LSAMP: variants seen among roughly 807,000 people sequenced by gnomAD.
LSAMP encodes the protein limbic system-associated membrane protein.
A neutral mutation model predicts 38.6 loss-of-function variants in LSAMP; 7 were observed. That is an observed-to-expected ratio of 0.18 (90% CI 0.10 to 0.34). The LOEUF (loss-of-function observed/expected upper bound fraction) is 0.34, where lower values mean the gene tolerates loss of function less well. LSAMP is among the 10% of genes least tolerant of loss of function. LSAMP has a pLI of 1.00. For synonymous variants in LSAMP, 154 were observed against 166.8 expected, an observed-to-expected ratio of 0.92 and a Z score of 0.59; for missense variants, 313 against 420.0, an observed-to-expected ratio of 0.75 and a Z score of 2.23.
chr3:115,988,100 T>C (rs1939565101), intron 3 of LSAMP, among the ~76,000 whole-genome samples: 1 of 152,186 alleles, frequency 6.6e-6, no homozygotes, highest in Non-Finnish European at 1.5e-5. Context: ...TCATCTCATC[T>C]AAAAGCTTTC....
Position 116,445,444 on chromosome 3 carries a change from C to A in LSAMP, c.-413G>T, listed in dbSNP as rs909212909. On this transcript the variant is annotated 5_prime_UTR_variant, in exon 1 of 7. Coordinates refer to ENST00000490035, the MANE Select transcript of LSAMP (RefSeq NM_002338.5). ...CTGGCGGGCGGGCGGGCGAGGGAGCCGGCACCAAGCCTGCCAGTGAGTGTA... is the reference window on the plus strand; with the variant it reads ...CTGGCGGGCGGGCGGGCGAGGGAGCAGGCACCAAGCCTGCCAGTGAGTGTA... 4 of 445,582 alleles carry A rather than the reference C, an allele frequency of 9.0e-6. No homozygotes were observed. The highest frequency in any genetic ancestry group is 3.8e-5 in the Admixed American group (1 of 26,148). 27.6% of individuals were successfully genotyped at this position (445,582 alleles called of 1,614,324 possible). A position where few individuals can be genotyped will look rare whatever the true frequency, so the allele number is the denominator to read the frequency against.
chr3:116,111,073 GGC>G (rs1227488339), intron 1 of LSAMP, among the ~76,000 whole-genome samples: 1 of 152,162 alleles, frequency 6.6e-6, no homozygotes, highest in Non-Finnish European at 1.5e-5. Context: ...GTTAAGGTGG[GGC>G]AGGAACAAAT....
chr3:116,178,041 G>A (rs1192178791), intron 1 of LSAMP, among the ~76,000 whole-genome samples: 1 of 152,224 alleles, frequency 6.6e-6, no homozygotes, highest in South Asian at 2.1e-4. Context: ...TGAAAGCAGG[G>A]TTAGTAGGTA....
chr3:116,029,883 C>T (rs1940880334), intron 2 of LSAMP, among the ~76,000 whole-genome samples: 1 of 151,994 alleles, frequency 6.6e-6, no homozygotes, highest in Admixed American at 6.6e-5. Flanking sequence ...TCTCAAGTGG[C>T]CTTATGAGCC....
In LSAMP at chr3:116,100,083, GGGGGGGT is replaced by G. The variant is rs1213371884; in HGVS notation, c.156-13534_156-13528del. ...TAGTATCCACAGAATTATTATTTTT[GGGGGGGT>G]GGGGGGTGGGGTACAGAGTCTCACT... On this transcript the variant is annotated intron_variant, in intron 1 of 6. Coordinates refer to ENST00000490035, the MANE Select transcript of LSAMP (RefSeq NM_002338.5). 6.1e-5 allele frequency among the ~76,000 whole-genome samples: 7 copies of G among 114,340 alleles called. No individual in the cohort carries two copies. The East Asian group carries it at 1.2e-3, about 20-fold the overall frequency. 75.0% of individuals were successfully genotyped at this position (114,340 alleles called of 152,430 possible). A position where few individuals can be genotyped will look rare whatever the true frequency, so the allele number is the denominator to read the frequency against.
At chr3:115,816,412 AG>A (rs766383410) in intron 6 of LSAMP, among the ~76,000 whole-genome samples, 14 of 152,216 alleles carry the variant, frequency 9.2e-5, no homozygotes, top group Non-Finnish European at 1.9e-4. Context: ...ATTACTGTCA[AG>A]AGCAATATAA....
At chr3:116,188,642 T>C (rs1010318035) in intron 1 of LSAMP, among the ~76,000 whole-genome samples, 1 of 152,228 alleles carries the variant, frequency 6.6e-6, no homozygotes. Flanking sequence ...CCTAATGATA[T>C]ATTATGAATC....
At chr3:115,963,176 T>G (rs968228099) in intron 3 of LSAMP, among the ~76,000 whole-genome samples, 6 of 152,174 alleles carry the variant, frequency 3.9e-5, no homozygotes, top group African/African-American at 1.4e-4. Flanking sequence ...GGTCCAGAAA[T>G]CATATATAAG....
intron 1 of LSAMP, among the ~76,000 whole-genome samples, chr3:116,111,545 T>C (rs1325445003): frequency 1.3e-5 from 2 of 152,206 alleles, no homozygotes; most frequent in Non-Finnish European, 2.9e-5. Flanking sequence ...CTTAGACTTA[T>C]CCTCTGCAAA....
intron 3 of LSAMP, among the ~76,000 whole-genome samples, chr3:115,902,893 A>G (rs1369520796): frequency 6.6e-6 from 1 of 152,150 alleles, no homozygotes; most frequent in Non-Finnish European, 1.5e-5. Flanking sequence ...AACTGTTGGT[A>G]GGAGTGTAAA....
At chr3:116,048,154 G>A (rs961382028) in intron 2 of LSAMP, among the ~76,000 whole-genome samples, 1 of 152,162 alleles carries the variant, frequency 6.6e-6, no homozygotes, top group African/African-American at 2.4e-5. Flanking sequence ...CAACTATCTG[G>A]GTAGCAAATG....
At chr3:115,898,731 A>C (rs1173164208) in intron 3 of LSAMP, among the ~76,000 whole-genome samples, 2 of 152,044 alleles carry the variant, frequency 1.3e-5, no homozygotes, top group Non-Finnish European at 2.9e-5. Context: ...AATCAGGCAG[A>C]CTTCACTTAG....
At chr3:115,942,024 A>T (rs1937938821) in intron 3 of LSAMP, among the ~76,000 whole-genome samples, 1 of 152,092 alleles carries the variant, frequency 6.6e-6, no homozygotes, top group African/African-American at 2.4e-5. Context: ...TGTTTTAATT[A>T]TATTTTTTCT....
intron 1 of LSAMP, among the ~76,000 whole-genome samples, chr3:116,097,124 C>T (rs1708241555): frequency 6.6e-6 from 1 of 152,148 alleles, no homozygotes; most frequent in Non-Finnish European, 1.5e-5. Context: ...ACTTCACTCA[C>T]TATGCAATTA....
intron 1 of LSAMP, among the ~76,000 whole-genome samples, chr3:116,265,936 T>G (rs561642577): frequency 5.4e-4 from 76 of 141,076 alleles, no homozygotes; most frequent in Non-Finnish European, 1.0e-3. Context: ...TGTTTTTATC[T>G]TTAGTTTAAA....
At chr3:116,081,291 A>G (rs1707865853) in intron 2 of LSAMP, among the ~76,000 whole-genome samples, 1 of 151,968 alleles carries the variant, frequency 6.6e-6, no homozygotes, top group Non-Finnish European at 1.5e-5. Flanking sequence ...ATGAAACCTC[A>G]TCTCTACTAA....
Position 116,445,386 on chromosome 3 carries a change from G to T in LSAMP, c.-355C>A. On this transcript the variant is annotated 5_prime_UTR_variant, in exon 1 of 7. Transcript: ENST00000490035. ...ATGCTCCTCTGCCAGTGTCTGAGCT[G>T]AGCTCCTTCGCTCTGTAACCCACTT... 2.1e-6 allele frequency: 1 copy of T among 474,594 alleles called. No individual in the cohort carries two copies. Among genetic ancestry groups the T allele is most frequent in the Non-Finnish European group, 3.7e-6 (1 of 272,434 alleles). 29.4% of individuals were successfully genotyped at this position (474,594 alleles called of 1,614,324 possible).
intron 1 of LSAMP, among the ~76,000 whole-genome samples, chr3:116,213,444 G>T (rs2046185801): frequency 6.6e-6 from 1 of 152,126 alleles, no homozygotes; most frequent in Admixed American, 6.5e-5. Context: ...TGATTGTGAG[G>T]CCTCTCCAGC....
At position 116,301,780 on chromosome 3, in the gene LSAMP, A is replaced by G. The variant is rs540760033; in HGVS notation, c.155+143097T>C. Among the ~76,000 whole-genome samples, 3 of 151,684 alleles carry G rather than the reference A, an allele frequency of 2.0e-5. No homozygotes were observed. In the South Asian group the frequency reaches 6.2e-4, roughly 31 times the overall value. On this transcript the variant is annotated intron_variant, in intron 1 of 6. Coordinates refer to ENST00000490035, the MANE Select transcript of LSAMP (RefSeq NM_002338.5). ...GTATAAAATTATGAGTTTAAAACTT[A>G]TAAAGATAATAGTTTTTTTCTATAG... is the stretch of plus-strand genomic sequence containing the variant.
Sources: allele counts gnomAD v4.1 joint callset (sites outside exome capture counted in the v4.1 genomes callset), GRCh38; gene constraint gnomAD v4.1.1; transcripts MANE v1.5; gene names NCBI Gene and HGNC (gene_info 2026-07-23, HGNC 2026-07-21).